FGF10: variants seen among roughly 807,000 people sequenced by gnomAD.
FGF10 encodes fibroblast growth factor 10.
Under a neutral mutation model 19.8 loss-of-function variants are expected in FGF10, and 2 were observed. The ratio of observed to expected loss-of-function variants is 0.10; its 90% confidence interval spans 0.04 to 0.32. The LOEUF is 0.32. Ranked by LOEUF, FGF10 falls within the 10% of genes least tolerant of loss-of-function variation. FGF10 has a pLI of 1.00. For missense variants in FGF10, 191 were observed against 246.3 expected (o/e 0.78, Z 1.50); for synonymous variants, 112 against 94.0 (o/e 1.19, Z -1.10).
chr5:44,315,308 A>G (rs1740312635), intron 1 of FGF10, among the ~76,000 whole-genome samples: 1 of 152,108 alleles, frequency 6.6e-6, no homozygotes, highest in Non-Finnish European at 1.5e-5. Flanking sequence ...TGACTTTTCA[A>G]GAGCAGGGTT....
intron 1 of FGF10, among the ~76,000 whole-genome samples, chr5:44,330,169 A>C (rs1740697957): frequency 6.6e-6 from 1 of 152,198 alleles, no homozygotes; most frequent in Admixed American, 6.5e-5. Context: ...TTCAAAAGAA[A>C]GTTAAAGGAG....
chr5:44,363,644 A>T lies in FGF10; in HGVS notation c.325+24714T>A, dbSNP rs536935277. On this transcript the variant is annotated intron_variant, in intron 1 of 2. Coordinates refer to ENST00000264664, the MANE Select transcript of FGF10 (RefSeq NM_004465.2). ...GAAGGATTCACCCACCTTAAATGTGACTTTCCAATAAGGTCATTGATAATA... is the reference window on the plus strand; with the variant it reads ...GAAGGATTCACCCACCTTAAATGTGTCTTTCCAATAAGGTCATTGATAATA... Among the ~76,000 whole-genome samples, 4 of 152,012 alleles carry T rather than the reference A, an allele frequency of 2.6e-5. No individual in the cohort carries two copies. In the East Asian group the frequency reaches 7.8e-4, roughly 30 times the overall value.
At chr5:44,352,283 C>CA (rs1367431613) in intron 1 of FGF10, among the ~76,000 whole-genome samples, 1 of 151,542 alleles carries the variant, frequency 6.6e-6, no homozygotes, top group Non-Finnish European at 1.5e-5. Flanking sequence ...ATGGTTTAGT[C>CA]AAAGAGTTGC....
At chr5:44,329,348 TG>T (rs1219484897) in intron 1 of FGF10, among the ~76,000 whole-genome samples, 1 of 152,150 alleles carries the variant, frequency 6.6e-6, no homozygotes, top group Non-Finnish European at 1.5e-5. Flanking sequence ...GGCTAATTTT[TG>T]TATTTTTAGT....
chr5:44,371,982 T>C (rs1034816464), intron 1 of FGF10, among the ~76,000 whole-genome samples: 3 of 152,190 alleles, frequency 2.0e-5, no homozygotes, highest in African/African-American at 7.2e-5. Context: ...AAATTATCCT[T>C]AATTTGGGCT....
At chr5:44,347,080 C>T (rs1741105981) in intron 1 of FGF10, among the ~76,000 whole-genome samples, 1 of 151,586 alleles carries the variant, frequency 6.6e-6, no homozygotes, top group African/African-American at 2.4e-5. Context: ...ATAATCAGTA[C>T]CTAGAGGAAG....
intron 1 of FGF10, among the ~76,000 whole-genome samples, chr5:44,336,194 G>T (rs1167996227): frequency 6.6e-6 from 1 of 151,860 alleles, no homozygotes; most frequent in African/African-American, 2.4e-5. Context: ...TTGTAAGTTT[G>T]ATTCTCTTTC....
chr5:44,302,502 G>T lies in FGF10; in HGVS notation c.*2493C>A, dbSNP rs1445246947. Reference sequence around the variant, plus strand: ...GCCTCCTGAGTAGTTGGGACCACAGGTATATGCCACCACGCATGGCTACAT... The same window carrying T: ...GCCTCCTGAGTAGTTGGGACCACAGTTATATGCCACCACGCATGGCTACAT... On this transcript the variant is annotated 3_prime_UTR_variant, in exon 3 of 3. Coordinates refer to ENST00000264664, the MANE Select transcript of FGF10 (RefSeq NM_004465.2). Among the ~76,000 whole-genome samples the T allele has an allele frequency of 2.0e-5, 3 of 152,090 alleles. No homozygotes were observed. The South Asian group carries it at 6.2e-4, about 31-fold the overall frequency.
intron 1 of FGF10, among the ~76,000 whole-genome samples, chr5:44,316,389 C>T (rs1348247243): frequency 2.0e-5 from 3 of 152,078 alleles, no homozygotes; most frequent in East Asian, 3.9e-4. Context: ...GGCAAGTTAA[C>T]CAACCTTCTA....
At chr5:44,372,570 T>C (rs1741764926) in intron 1 of FGF10, among the ~76,000 whole-genome samples, 1 of 152,174 alleles carries the variant, frequency 6.6e-6, no homozygotes, top group Admixed American at 6.5e-5. Flanking sequence ...AAATCTCATT[T>C]AAGTAACAGC....
At position 44,301,696 on chromosome 5, in the gene FGF10, C is replaced by A. The variant is rs925172112; in HGVS notation, c.*3299G>T. Among the ~76,000 whole-genome samples the A allele has an allele frequency of 1.3e-5, 2 of 152,114 alleles. No individual in the cohort carries two copies. Among genetic ancestry groups the A allele is most frequent in the Non-Finnish European group, 2.9e-5 (2 of 68,024 alleles). ...AGATAGCTAACTCACACATGTGAAA[C>A]ATTAGAGAAAACTTACAAATGTTTG... On this transcript the variant is annotated 3_prime_UTR_variant, in exon 3 of 3. Coordinates refer to ENST00000264664, the MANE Select transcript of FGF10 (RefSeq NM_004465.2).
chr5:44,370,363 T>C (rs1231096234), intron 1 of FGF10, among the ~76,000 whole-genome samples: 2 of 152,132 alleles, frequency 1.3e-5, no homozygotes, highest in African/African-American at 2.4e-5. Context: ...TTTATTTGCC[T>C]AGTCTCAGAT....
In FGF10 at chr5:44,303,640, A is replaced by C. The variant is rs1011020364; in HGVS notation, c.*1355T>G. On this transcript the variant is annotated 3_prime_UTR_variant, in exon 3 of 3. Coordinates refer to ENST00000264664, the MANE Select transcript of FGF10 (RefSeq NM_004465.2). ...CTGCTCTAACAAAATGAATTTTGAT[A>C]TGGTTACATTATGGAACTTTGTAAA... is the stretch of plus-strand genomic sequence containing the variant. 7.9e-5 allele frequency: 12 copies of C among 152,212 alleles called. No individual in the cohort carries two copies. The highest frequency in any genetic ancestry group is 5.9e-5 in the Non-Finnish European group (4 of 68,038). 9.4% of individuals were successfully genotyped at this position (152,212 alleles called of 1,614,324 possible). A position where few individuals can be genotyped will look rare whatever the true frequency, so the allele number is the denominator to read the frequency against.
chr5:44,369,647 C>T (rs560021188), intron 1 of FGF10, among the ~76,000 whole-genome samples: 1 of 152,240 alleles, frequency 6.6e-6, no homozygotes, highest in East Asian at 1.9e-4. Context: ...CCAGCTTTAG[C>T]ACACACGCAC....
intron 1 of FGF10, among the ~76,000 whole-genome samples, chr5:44,360,618 CATCAACA>C: frequency 6.6e-6 from 1 of 151,714 alleles, no homozygotes. Context: ...ATTTCTTTTG[CATCAACA>C]ATTAGGAATT....
chr5:44,375,228 C>A (rs1741827116), intron 1 of FGF10, among the ~76,000 whole-genome samples: 1 of 152,084 alleles, frequency 6.6e-6, no homozygotes, highest in Non-Finnish European at 1.5e-5. Flanking sequence ...TCACTCTCAA[C>A]AAGTTTTCTG....
chr5:44,344,568 C>CTGTGCGTGTG (rs1554037821), intron 1 of FGF10, among the ~76,000 whole-genome samples: 1 of 126,790 alleles, frequency 7.9e-6, no homozygotes, highest in African/African-American at 3.0e-5. Context: ...TTTGTTTTCT[C>CTGTGCGTGTG]TGTGTGTGTG....
At chr5:44,328,880 T>TG (rs1561203126) in intron 1 of FGF10, among the ~76,000 whole-genome samples, 3 of 152,132 alleles carry the variant, frequency 2.0e-5, no homozygotes, top group African/African-American at 7.2e-5. Context: ...CACCTGTAGT[T>TG]GCAGCTACTG....
intron 1 of FGF10, among the ~76,000 whole-genome samples, chr5:44,355,723 G>A (rs1326382187): frequency 1.3e-5 from 2 of 151,416 alleles, no homozygotes; most frequent in East Asian, 2.0e-4. Context: ...TGGAAGAGAG[G>A]ACCTCTTTCA....
Sources: allele counts gnomAD v4.1 joint callset (sites outside exome capture counted in the v4.1 genomes callset), GRCh38; gene constraint gnomAD v4.1.1; transcripts MANE v1.5; gene names NCBI Gene and HGNC (gene_info 2026-07-23, HGNC 2026-07-21).